Variants in SUZ12 observed in about 807,000 individuals in gnomAD.
The protein encoded by SUZ12 is polycomb protein SUZ12.
SUZ12 carries 17 observed loss-of-function variants against 87.3 expected under a neutral mutation model. The observed-to-expected ratio is 0.19, with a 90% CI of 0.13 to 0.29. SUZ12 has a LOEUF of 0.29. Among genes scored for constraint, SUZ12 ranks in the 10% least tolerant of loss-of-function variants. SUZ12 has a pLI of 1.00. For missense variants in SUZ12, 526 were observed against 912.2 expected, an observed-to-expected ratio of 0.58 and a Z score of 5.45; for synonymous variants, 253 against 312.4, an observed-to-expected ratio of 0.81 and a Z score of 2.01.
chr17:31,975,093 A>G (rs2142177796), intron 6 of SUZ12, among the ~76,000 whole-genome samples: 1 of 152,300 alleles, frequency 6.6e-6, no homozygotes, highest in East Asian at 1.9e-4. Flanking sequence ...AGAACATTTA[A>G]GAGATTTGAT....
At chr17:31,964,153 A>C (rs1247342545) in intron 4 of SUZ12, among the ~76,000 whole-genome samples, 1 of 151,254 alleles carries the variant, frequency 6.6e-6, no homozygotes, top group Non-Finnish European at 1.5e-5. Context: ...CTGCCTCCCG[A>C]GTAGCTGGGA....
At chr17:31,959,797 T>C (rs1254850426) in intron 4 of SUZ12, among the ~76,000 whole-genome samples, 1 of 152,220 alleles carries the variant, frequency 6.6e-6, no homozygotes, top group African/African-American at 2.4e-5. Flanking sequence ...TAGTCTCTTA[T>C]GAATTAGCTT....
At position 31,969,032 on chromosome 17, in the gene SUZ12, T is replaced by C. The variant is rs149813675; in HGVS notation, c.505+2836T>C. ...TTCCTCTGTCACCTAGGCTGGAGTG[T>C]AGTAGTTTGATCTCAGATCACTGCA... is the stretch of plus-strand genomic sequence containing the variant. On this transcript the variant is annotated intron_variant, in intron 5 of 15. Transcript: ENST00000322652. 5.9e-3 allele frequency among the ~76,000 whole-genome samples: 901 copies of C among 152,322 alleles called. 7 individuals are homozygous for C. The highest frequency in any genetic ancestry group is 0.021 in the African/African-American group (865 of 41,582).
intron 10 of SUZ12, among the ~76,000 whole-genome samples, chr17:31,992,756 G>A (rs1010173633): frequency 6.7e-6 from 1 of 149,802 alleles, no homozygotes; most frequent in African/African-American, 2.5e-5. Flanking sequence ...CATCCAGGCG[G>A]AAGTGCAGTG....
chr17:31,957,650 A>T (rs1907434938), intron 4 of SUZ12, among the ~76,000 whole-genome samples: 1 of 151,106 alleles, frequency 6.6e-6, no homozygotes, highest in Non-Finnish European at 1.5e-5. Flanking sequence ...ACTTCAGGTG[A>T]TCTGCTCGCC....
intron 5 of SUZ12, among the ~76,000 whole-genome samples, chr17:31,972,604 C>T (rs945390776): frequency 6.6e-6 from 1 of 152,130 alleles, no homozygotes; most frequent in Non-Finnish European, 1.5e-5. Context: ...TTTGTAGAGA[C>T]GAGGTTTCTG....
intron 4 of SUZ12, chr17:31,965,898 G>C (rs1357868081): frequency 9.2e-6 from 3 of 326,904 alleles, no homozygotes; most frequent in Non-Finnish European, 1.7e-5. Context: ...GTGTTTTTGT[G>C]GTTTTGTTCT....
chr17:31,950,232 C>T (rs996075200), intron 4 of SUZ12, among the ~76,000 whole-genome samples: 1 of 152,168 alleles, frequency 6.6e-6, no homozygotes, highest in African/African-American at 2.4e-5. Flanking sequence ...GCATGAGCCA[C>T]TGCGCCCAGC....
At chr17:31,940,712 T>C (rs1255226274) in intron 3 of SUZ12, among the ~76,000 whole-genome samples, 1 of 151,950 alleles carries the variant, frequency 6.6e-6, no homozygotes, top group East Asian at 1.9e-4. Flanking sequence ...TTTTTTTTTT[T>C]ATCCTCTAAT....
chr17:31,994,465 T>C, intron 12 of SUZ12, 99 bp from the exon 13 acceptor site: 1 of 1,206,702 alleles, frequency 8.3e-7, no homozygotes, highest in Non-Finnish European at 1.1e-6. Context: ...CCTATTTTAG[T>C]TTTCTAAATA....
intron 5 of SUZ12, among the ~76,000 whole-genome samples, chr17:31,970,345 C>T (rs949010346): frequency 6.6e-5 from 10 of 151,956 alleles, no homozygotes; most frequent in African/African-American, 1.9e-4. Context: ...AAAGTGTTGC[C>T]GGCCAGGCGC....
chr17:31,972,833 A>C (rs1157795364), intron 5 of SUZ12, among the ~76,000 whole-genome samples: 1 of 150,238 alleles, frequency 6.7e-6, no homozygotes. Flanking sequence ...TTGTGATTGC[A>C]GTGAGCTGTG....
chr17:31,988,340 A>G lies in SUZ12; in HGVS notation c.1044A>G (p.Thr348=). The stretch of plus-strand genomic sequence containing the variant: ...TTTAGAGGCTGCCTCCATTCGAAAC[A>G]TTTTCTCAGGGACCTACGTTGCAGT... ...LDGKRLPPFE[T]FSQGPTLQFT... is the part of the protein sequence containing the mutation. Residue 348 remains threonine, a synonymous_variant, in exon 10 of 16, where the codon ACA becomes ACG. Transcript: ENST00000322652. 1 of 1,570,824 alleles carries G rather than the reference A, an allele frequency of 6.4e-7. No individual in the cohort carries two copies. The highest frequency in any genetic ancestry group is 8.6e-7 in the Non-Finnish European group (1 of 1,163,882).
At chr17:31,941,436 T>C (rs1429947100) in intron 3 of SUZ12, among the ~76,000 whole-genome samples, 3 of 152,050 alleles carry the variant, frequency 2.0e-5, no homozygotes, top group Non-Finnish European at 4.4e-5. Flanking sequence ...TTTGTATTTT[T>C]AGTAGAGACA....
In SUZ12 at chr17:31,993,230, G is replaced by GT; in HGVS notation, c.1202-11dup. 6.5e-7 allele frequency: 1 copy of GT among 1,530,028 alleles called. No individual in the cohort carries two copies. The highest frequency in any genetic ancestry group is 1.2e-5 in the South Asian group (1 of 81,298). 94.8% of individuals were successfully genotyped at this position (1,530,028 alleles called of 1,614,324 possible). On this transcript the variant is annotated splice_polypyrimidine_tract_variant and intron_variant, in intron 10 of 15. Coordinates refer to ENST00000322652, the MANE Select transcript of SUZ12 (RefSeq NM_015355.4). ...CAATGTTTTTATTGAATATAAAAGT[G>GT]TATGTTTTCAGCTGTTAAAGAATCA...
intron 13 of SUZ12, 94 bp downstream of exon 13, chr17:31,994,815 G>A (rs1909889777): frequency 1.5e-6 from 2 of 1,369,734 alleles, no homozygotes; most frequent in South Asian, 1.4e-5. Context: ...AGTTCGTTAG[G>A]TGGAAATTAT....
chr17:31,976,379 T>C (rs1908754301), intron 7 of SUZ12, 142 bp from the exon 8 acceptor site: 1 of 595,590 alleles, frequency 1.7e-6, no homozygotes, highest in Non-Finnish European at 2.8e-6. Context: ...ATTGGAAACA[T>C]GTGGTCTGTA....
At chr17:31,980,806 T>C (rs1909060539) in intron 8 of SUZ12, among the ~76,000 whole-genome samples, 1 of 152,120 alleles carries the variant, frequency 6.6e-6, no homozygotes, top group African/African-American at 2.4e-5. Flanking sequence ...GGAGTCCTGA[T>C]TCCTTATAGA....
intron 4 of SUZ12, among the ~76,000 whole-genome samples, chr17:31,952,044 C>G (rs1452405601): frequency 6.6e-6 from 1 of 150,950 alleles, no homozygotes; most frequent in Non-Finnish European, 1.5e-5. Context: ...CAAAGTGTTG[C>G]AATTACAGGC....
Sources: allele counts gnomAD v4.1 joint callset (sites outside exome capture counted in the v4.1 genomes callset), GRCh38; gene constraint gnomAD v4.1.1; transcripts MANE v1.5; gene names NCBI Gene and HGNC (gene_info 2026-07-23, HGNC 2026-07-21).